The following PCBP3 variants were observed in gnomAD, a reference collection of about 807,000 sequenced individuals.
The protein encoded by PCBP3 is poly(rC)-binding protein 3.
In PCBP3, 25 loss-of-function variants were observed where a neutral mutation model predicts 52.7. The observed-to-expected ratio is 0.47, with a 90% confidence interval of 0.35 to 0.66. PCBP3 has a LOEUF of 0.66. Ranked by LOEUF, PCBP3 falls within the 30% of genes least tolerant of loss-of-function variation. PCBP3 has a pLI of 0.01. For synonymous variants in PCBP3, 162 were observed against 183.0 expected, an observed-to-expected ratio of 0.89 and a Z score of 0.93; for missense variants, 391 against 490.3, an observed-to-expected ratio of 0.80 and a Z score of 1.91.
Position 45,900,615 on chromosome 21 carries a change from C to T in PCBP3, c.214C>T (p.Arg72Cys). ...GKKGETVKKM[R>C]EESGARINIS... ...GAAAGGAGAAACTGTGAAGAAGATG[C>T]GTGAGGAGGTGAGTGTGGTGGGTCC... The change falls in exon 8 of 18, where the codon CGT (arginine) becomes TGT (cysteine). Residue 72 changes from arginine to cysteine, a missense_variant. Arg to Cys is a radical substitution (Grantham distance 180). Transcript: ENST00000681687. The T allele has an allele frequency of 1.4e-6, 2 of 1,419,552 alleles. No individual in the cohort carries two copies. The highest frequency in any genetic ancestry group is 1.9e-6 in the Non-Finnish European group (2 of 1,055,474). The allele number at this position is 1,419,552 out of a possible 1,614,324, so 87.9% of individuals were successfully genotyped here.
intron 4 of PCBP3, among the ~76,000 whole-genome samples, chr21:45,777,564 A>G (rs1034812433): frequency 6.6e-6 from 1 of 152,170 alleles, no homozygotes; most frequent in Non-Finnish European, 1.5e-5. Context: ...AGAATATTCT[A>G]TCACTTTATG....
chr21:45,807,149 A>C (rs2092532098), intron 4 of PCBP3, among the ~76,000 whole-genome samples: 1 of 152,200 alleles, frequency 6.6e-6, no homozygotes, highest in Non-Finnish European at 1.5e-5. Context: ...GCCCTCTCTC[A>C]CCACTCCTAT....
At chr21:45,711,780 A>C (rs2083858375) in intron 2 of PCBP3, among the ~76,000 whole-genome samples, 1 of 152,200 alleles carries the variant, frequency 6.6e-6, no homozygotes, top group Non-Finnish European at 1.5e-5. Context: ...ATCCTAAATG[A>C]CGTTTTAAAA....
intron 6 of PCBP3, among the ~76,000 whole-genome samples, chr21:45,898,650 T>TACAC (rs2095916341): frequency 1.0e-5 from 1 of 99,408 alleles, no homozygotes; most frequent in Non-Finnish European, 2.0e-5. Context: ...CGGGCCCCTC[T>TACAC]GCACACCGTC....
intron 16 of PCBP3, among the ~76,000 whole-genome samples, chr21:45,935,743 T>G (rs2076829097): frequency 1.3e-5 from 2 of 149,964 alleles, no homozygotes; most frequent in African/African-American, 4.8e-5. Flanking sequence ...TCCAACAGAC[T>G]TGAAGCTGGT....
intron 2 of PCBP3, among the ~76,000 whole-genome samples, chr21:45,721,424 A>C (rs1458326295): frequency 2.0e-5 from 3 of 151,950 alleles, no homozygotes; most frequent in Non-Finnish European, 4.4e-5. Context: ...AAAAAAAAAA[A>C]AAAAAAACAA....
In PCBP3 at chr21:45,928,285, C is replaced by T. The variant is rs71324470; in HGVS notation, c.718-1632C>T. Among the ~76,000 whole-genome samples, 1 of 152,144 alleles carries T rather than the reference C, an allele frequency of 6.6e-6. No individual in the cohort carries two copies. Among genetic ancestry groups the T allele is most frequent in the Non-Finnish European group, 1.5e-5 (1 of 68,008 alleles). ...ACACATCCCCTCAGATAACCCGGCA[C>T]ACCCGTTCACGTTACATCATGGGGC... On this transcript the variant is annotated intron_variant, in intron 13 of 17. Coordinates refer to ENST00000681687, the MANE Select transcript of PCBP3 (RefSeq NM_001384156.1). The surrounding 1 kb of genome is among the most constrained non-coding windows in gnomAD (Gnocchi z 4.1).
At chr21:45,871,151 T>C (rs373650372) in intron 5 of PCBP3, 4 of 147,516 alleles carry the variant, frequency 2.7e-5, no homozygotes, top group East Asian at 2.1e-4. Context: ...CCAGGAGAGA[T>C]GGGAACCCCC....
chr21:45,752,114 G>C (rs926580071), intron 3 of PCBP3, among the ~76,000 whole-genome samples: 1 of 151,924 alleles, frequency 6.6e-6, no homozygotes, highest in Non-Finnish European at 1.5e-5. Context: ...CTATGCCAAA[G>C]ATTTTTTATT....
At chr21:45,832,061 G>A (rs749609242) in intron 4 of PCBP3, among the ~76,000 whole-genome samples, 5 of 152,154 alleles carry the variant, frequency 3.3e-5, no homozygotes, top group East Asian at 3.9e-4. Flanking sequence ...TACTTCATAC[G>A]CAGAGCAGCC....
intron 2 of PCBP3, among the ~76,000 whole-genome samples, chr21:45,684,055 CAAAAAAAAA>C (rs71334088): frequency 7.6e-5 from 6 of 78,446 alleles, no homozygotes; most frequent in Non-Finnish European, 1.1e-4. Flanking sequence ...CCCATCTCTA[CAAAAAAAAA>C]AAAAAAAAAA....
In PCBP3 at chr21:45,791,884, G is replaced by A. The variant is rs529090858; in HGVS notation, c.-126+36432G>A. Reference sequence around the variant, plus strand: ...TCCTGCTCCTGAAAGCAAGGATGCAGTTCATTTCCAGCCCTGAGCTGCACT... The same window carrying A: ...TCCTGCTCCTGAAAGCAAGGATGCAATTCATTTCCAGCCCTGAGCTGCACT... On this transcript the variant is annotated intron_variant, in intron 4 of 17. Coordinates refer to ENST00000681687, the MANE Select transcript of PCBP3 (RefSeq NM_001384156.1). This position sits in a 1 kb window ranked among gnomAD's most constrained non-coding sequence, Gnocchi z 4.2. 1.6e-4 allele frequency among the ~76,000 whole-genome samples: 24 copies of A among 152,372 alleles called. No homozygotes were observed. In the South Asian group the frequency reaches 3.7e-3, roughly 24 times the overall value.
At chr21:45,844,931 CAT>C (rs1233273654) in intron 4 of PCBP3, among the ~76,000 whole-genome samples, 2 of 149,424 alleles carry the variant, frequency 1.3e-5, no homozygotes, top group Admixed American at 6.7e-5. Context: ...ATATAGTTTA[CAT>C]ATATATATGC....
At chr21:45,676,742 G>C (rs1405476508) in intron 2 of PCBP3, among the ~76,000 whole-genome samples, 1 of 151,940 alleles carries the variant, frequency 6.6e-6, no homozygotes, top group East Asian at 1.9e-4. Flanking sequence ...TCAGGTGAAA[G>C]GAAGGGTTGC....
chr21:45,899,503 C>T (rs2095965153), intron 6 of PCBP3, 96 bp from the exon 7 acceptor site: 1 of 885,494 alleles, frequency 1.1e-6, no homozygotes, highest in Admixed American at 1.9e-5. Flanking sequence ...TGCACTCATA[C>T]CGGGAAGGTA....
rs146833420 is a variant in PCBP3, at chr21:45,778,407, T to A, written c.-126+22955T>A. Among the ~76,000 whole-genome samples the A allele has an allele frequency of 3.2e-4, 48 of 152,326 alleles. 1 individual carries two copies. In the East Asian group the frequency reaches 8.9e-3, roughly 28 times the overall value. ...AGGCCGATTATTGGGCCTCCATGTG[T>A]CTTGCTTGGATACTGGTAATAGCAG... On this transcript the variant is annotated intron_variant, in intron 4 of 17. Coordinates refer to ENST00000681687, the MANE Select transcript of PCBP3 (RefSeq NM_001384156.1).
At chr21:45,895,064 G>T (rs1263157264) in intron 5 of PCBP3, among the ~76,000 whole-genome samples, 1 of 152,236 alleles carries the variant, frequency 6.6e-6, no homozygotes, top group Non-Finnish European at 1.5e-5. Context: ...GTGTCACTTT[G>T]TCAGTGCAGA....
chr21:45,784,230 T>C (rs2090867004), intron 4 of PCBP3, among the ~76,000 whole-genome samples: 1 of 152,204 alleles, frequency 6.6e-6, no homozygotes, highest in East Asian at 1.9e-4. Flanking sequence ...TAAGGTGTTT[T>C]GATTGTAAAG....
Position 45,850,106 on chromosome 21 carries a change from G to A in PCBP3, c.10+11G>A, listed in dbSNP as rs971443464. 2.6e-6 allele frequency: 4 copies of A among 1,549,340 alleles called. No homozygotes were observed. In the East Asian group the frequency reaches 9.8e-5, roughly 38 times the overall value. On this transcript the variant is annotated intron_variant, in intron 5 of 17. Transcript: ENST00000681687. ...TGCTTATGGGGGAAGGTGAGTTACT[G>A]TCTTTTGTTTCCATGTTTGTTTGTT...
Sources: gnomAD v4.1 joint callset for allele counts (sites outside exome capture counted in the v4.1 genomes callset) on GRCh38, gnomAD v4.1.1 for gene constraint, Gnocchi (gnomAD v3.1) non-coding constraint, MANE v1.5 for transcripts, NCBI Gene and HGNC (gene_info 2026-07-23, HGNC 2026-07-21) for gene names.